Variants in SHLD2 observed in about 807,000 individuals in gnomAD.
The protein encoded by SHLD2 is shieldin complex subunit 2.
Under a neutral mutation model 73.2 loss-of-function variants are expected in SHLD2, and 30 were observed. The observed-to-expected ratio is 0.41, with a 90% CI of 0.31 to 0.56. SHLD2 has a LOEUF of 0.56. SHLD2 is among the 20% of genes least tolerant of loss of function. The probability of loss-of-function intolerance (pLI) is 0.28; values close to 1 mark genes in which losing one functional copy is unlikely to be tolerated. For synonymous variants in SHLD2, 285 were observed against 370.1 expected, an observed-to-expected ratio of 0.77 and a Z score of 2.64; for missense variants, 745 against 1,055.9, an observed-to-expected ratio of 0.71 and a Z score of 4.08.
chr10:87,179,647 C>T (rs1273893955), intron 7 of SHLD2, among the ~76,000 whole-genome samples: 4 of 152,282 alleles, frequency 2.6e-5, no homozygotes, highest in Admixed American at 6.5e-5. Context: ...GTGATCTGCC[C>T]GCGTCGGCCT....
intron 2 of SHLD2, among the ~76,000 whole-genome samples, chr10:87,135,854 G>A (rs2264968): frequency 6.6e-6 from 1 of 151,952 alleles, no homozygotes; most frequent in Admixed American, 6.6e-5. Context: ...ATGACTAATC[G>A]GTGTTGCTAT....
chr10:87,116,549 G>T (rs1843268290), intron 2 of SHLD2, among the ~76,000 whole-genome samples: 1 of 152,104 alleles, frequency 6.6e-6, no homozygotes, highest in Admixed American at 6.6e-5. Context: ...TGAGAATTCG[G>T]GATATGAACA....
intron 2 of SHLD2, among the ~76,000 whole-genome samples, chr10:87,110,125 C>CA (rs1241836402): frequency 6.6e-6 from 1 of 151,184 alleles, no homozygotes; most frequent in African/African-American, 2.4e-5. Context: ...CCTGTCTCTA[C>CA]AAAAAATACA....
At chr10:87,119,205 C>A (rs1843436574) in intron 2 of SHLD2, among the ~76,000 whole-genome samples, 1 of 150,712 alleles carries the variant, frequency 6.6e-6, no homozygotes, top group African/African-American at 2.4e-5. Flanking sequence ...AGAGTTAAAA[C>A]CAGTTTCCTT....
chr10:87,170,707 A>G lies in SHLD2; in HGVS notation c.1828+35A>G, dbSNP rs372331266. On this transcript the variant is annotated intron_variant, in intron 5 of 9. Coordinates refer to ENST00000298786, the MANE Select transcript of SHLD2 (RefSeq NM_001330112.2). ...TTGACTGCCTCCTTAATTTTAGATTATGAAAAAATTAAGATACAAGACCAT... is the reference window on the plus strand; with the variant it reads ...TTGACTGCCTCCTTAATTTTAGATTGTGAAAAAATTAAGATACAAGACCAT... 5 of 1,582,504 alleles carry G rather than the reference A, an allele frequency of 3.2e-6. No individual in the cohort carries two copies. The African/African-American group carries it at 6.8e-5, about 22-fold the overall frequency.
intron 2 of SHLD2, among the ~76,000 whole-genome samples, chr10:87,112,152 G>A (rs1334251084): frequency 6.6e-6 from 1 of 151,608 alleles, no homozygotes; most frequent in African/African-American, 2.4e-5. Context: ...GCAGGAGAAT[G>A]GTTTGAACCC....
chr10:87,103,218 AT>A (rs1461158706), intron 2 of SHLD2, among the ~76,000 whole-genome samples: 3 of 151,844 alleles, frequency 2.0e-5, no homozygotes, highest in Non-Finnish European at 1.5e-5. Flanking sequence ...CAAAAAAAAA[AT>A]TTTTTTTAAT....
At chr10:87,103,366 G>A (rs1399657784) in intron 2 of SHLD2, among the ~76,000 whole-genome samples, 1 of 152,098 alleles carries the variant, frequency 6.6e-6, no homozygotes, top group Non-Finnish European at 1.5e-5. Context: ...AACAGCATAG[G>A]CAAAGCTTAA....
chr10:87,127,046 C>T (rs1176729470), intron 2 of SHLD2, among the ~76,000 whole-genome samples: 2 of 152,118 alleles, frequency 1.3e-5, no homozygotes, highest in Non-Finnish European at 2.9e-5. Flanking sequence ...GGTTGAAAGT[C>T]ATCTGACACA....
chr10:87,131,357 A>G (rs1160736979), intron 2 of SHLD2, among the ~76,000 whole-genome samples: 1 of 152,174 alleles, frequency 6.6e-6, no homozygotes, highest in Non-Finnish European at 1.5e-5. Context: ...CTCATTAAGC[A>G]GTCACTCCCC....
Position 87,187,122 on chromosome 10 carries a change from G to A in SHLD2, c.2437G>A (p.Val813Ile). The A allele has an allele frequency of 6.2e-7, 1 of 1,613,554 alleles. No homozygotes were observed. The highest frequency in any genetic ancestry group is 8.5e-7 in the Non-Finnish European group (1 of 1,179,560). The change falls in exon 9 of 10, where the codon GTT becomes ATT. Residue 813 changes from valine (V) to isoleucine (I), a missense_variant. Val to Ile is a conservative substitution (Grantham distance 29). Around this residue, in one of 5 missense-constraint regions of SHLD2, gnomAD observed 418 missense variants for 567.8 expected, o/e 0.74. Transcript: ENST00000298786. ...GACTGCCATTGATGGAAGACATGATGTTTGTATCCGTGTAGAATCAAAGCT... is the reference window on the plus strand; with the variant it reads ...GACTGCCATTGATGGAAGACATGATATTTGTATCCGTGTAGAATCAAAGCT... ...LMTAIDGRHDVCIRVESKLIE... is the reference protein window; with the variant it reads ...LMTAIDGRHDICIRVESKLIE...
chr10:87,184,742 CG>C (rs1848512461), intron 8 of SHLD2, among the ~76,000 whole-genome samples: 1 of 152,092 alleles, frequency 6.6e-6, no homozygotes, highest in South Asian at 2.1e-4. Flanking sequence ...AGGATGTTCT[CG>C]AATGTCTTCC....
intron 3 of SHLD2, chr10:87,153,943 T>C (rs1846192646): frequency 6.6e-6 from 1 of 152,216 alleles, no homozygotes; most frequent in South Asian, 2.1e-4. Flanking sequence ...TCTTGCTATG[T>C]TGCCAAGTGC....
chr10:87,122,173 C>CAAAAAAAAAAAAAAAA (rs10706744), intron 2 of SHLD2, among the ~76,000 whole-genome samples: 1 of 86,420 alleles, frequency 1.2e-5, no homozygotes, highest in African/African-American at 4.7e-5. Context: ...CACTGACTGT[C>CAAAAAAAAAAAAAAAA]AAAAAAAAAA....
chr10:87,133,971 A>G (rs533610782), intron 2 of SHLD2, among the ~76,000 whole-genome samples: 5 of 152,368 alleles, frequency 3.3e-5, no homozygotes, highest in African/African-American at 9.6e-5. Context: ...CAGTTAAACA[A>G]TGAGACAAAT....
intron 9 of SHLD2, among the ~76,000 whole-genome samples, chr10:87,190,187 T>C (rs1202008282): frequency 6.6e-6 from 1 of 152,252 alleles, no homozygotes; most frequent in African/African-American, 2.4e-5. Flanking sequence ...GCTTCCCGAG[T>C]AGCTGGGATT....
intron 4 of SHLD2, among the ~76,000 whole-genome samples, chr10:87,159,923 A>G (rs575988007): frequency 3.3e-5 from 5 of 152,348 alleles, no homozygotes; most frequent in Non-Finnish European, 7.3e-5. Context: ...CTCAGAAGAC[A>G]GGTTTAAAAT....
chr10:87,094,781 G>C, upstream of SHLD2: 1 of 1,530,542 alleles, frequency 6.5e-7, no homozygotes. The surrounding 1 kb of genome is among the most constrained non-coding windows in gnomAD (Gnocchi z 6.6). Context: ...GCCACAAGCG[G>C]AGGGGAGGTG....
chr10:87,179,950 A>G, intron 7 of SHLD2, 125 bp from the exon 8 acceptor site: 1 of 708,794 alleles, frequency 1.4e-6, no homozygotes, highest in Non-Finnish European at 2.5e-6. Context: ...AAGACGAAGA[A>G]CAAGACCTCA....
Sources: gnomAD v4.1 joint callset for allele counts (sites outside exome capture counted in the v4.1 genomes callset) on GRCh38, gnomAD v4.1.1 for gene constraint, gnomAD v4.1.1 regional missense constraint, Gnocchi (gnomAD v3.1) non-coding constraint, MANE v1.5 for transcripts, NCBI Gene and HGNC (gene_info 2026-07-23, HGNC 2026-07-21) for gene names.